The following FRMPD4 variants were observed in gnomAD, a reference collection of about 807,000 sequenced individuals.
FRMPD4 encodes FERM and PDZ domain-containing protein 4.
FRMPD4 carries 22 observed loss-of-function variants against 94.1 expected under a neutral mutation model. The observed-to-expected ratio is 0.23, with a 90% CI of 0.17 to 0.33. The LOEUF is 0.33. Ranked by LOEUF, FRMPD4 falls within the 10% of genes least tolerant of loss-of-function variation. The probability of loss-of-function intolerance (pLI) is 1.00; values close to 1 mark genes in which losing one functional copy is unlikely to be tolerated. For synonymous variants in FRMPD4, 631 were observed against 548.6 expected, an observed-to-expected ratio of 1.15 and a Z score of -2.10; for missense variants, 1,111 against 1,339.9, an observed-to-expected ratio of 0.83 and a Z score of 2.67.
intron 2 of FRMPD4, among the ~76,000 whole-genome samples, chrX:12,509,705 A>C (rs1449608193): frequency 9.0e-6 from 1 of 111,369 alleles, no homozygotes; most frequent in Admixed American, 9.5e-5. Context: ...ATGTAACTAA[A>C]CACCACCTGT....
In FRMPD4 at chrX:12,511,250, C is replaced by T. The variant is rs1454741836; in HGVS notation, c.158+12454C>T. The stretch of plus-strand genomic sequence containing the variant: ...CAAGGCATACTAGGAGAGAGGAAAA[C>T]CAGGCCCAATCAAAGTGCCAAAATA... On this transcript the variant is annotated intron_variant, in intron 2 of 16. Transcript: ENST00000675598. Among the ~76,000 whole-genome samples the T allele has an allele frequency of 8.1e-5, 9 of 111,323 alleles. 1 individual carries two copies. Among genetic ancestry groups the T allele is most frequent in the Admixed American group, 7.6e-4 (8 of 10,458 alleles).
At chrX:12,070,518 A>G (rs2147470634) in intron 3 of FRMPD4, among the ~76,000 whole-genome samples, 1 of 111,652 alleles carries the variant, frequency 9.0e-6, no homozygotes, top group Non-Finnish European at 1.9e-5. Flanking sequence ...ATTTGTTAGA[A>G]TGTTATGCTG....
At chrX:12,313,088 G>C (rs2055060923) in intron 1 of FRMPD4, among the ~76,000 whole-genome samples, 1 of 111,540 alleles carries the variant, frequency 9.0e-6, no homozygotes, top group South Asian at 3.8e-4. Flanking sequence ...GAGAAAAAAG[G>C]GACAAAAAAG....
chrX:11,841,554 C>T (rs771135446), intron 1 of FRMPD4, among the ~76,000 whole-genome samples: 1 of 109,874 alleles, frequency 9.1e-6, no homozygotes, highest in East Asian at 2.9e-4. Flanking sequence ...TCTTTTGAGA[C>T]GTGTCTGTTC....
intron 3 of FRMPD4, among the ~76,000 whole-genome samples, chrX:12,072,252 A>G (rs754121524): frequency 2.7e-5 from 3 of 112,081 alleles, no homozygotes; most frequent in Non-Finnish European, 5.6e-5. Flanking sequence ...CTGCTGTTGA[A>G]AATGAAGCTG....
chrX:12,593,346 C>G (rs2059000361), intron 2 of FRMPD4, among the ~76,000 whole-genome samples: 1 of 111,923 alleles, frequency 8.9e-6, no homozygotes, highest in African/African-American at 3.2e-5. Context: ...CATTTATCCT[C>G]AATGTATCTT....
intron 2 of FRMPD4, among the ~76,000 whole-genome samples, chrX:11,875,684 C>T (rs866707828): frequency 4.0e-4 from 44 of 110,184 alleles, no homozygotes; most frequent in African/African-American, 1.4e-3. Context: ...TCCTTCTTAT[C>T]CCAAAGGAAA....
At chrX:11,886,575 T>A (rs903580024) in intron 3 of FRMPD4, among the ~76,000 whole-genome samples, 3 of 111,250 alleles carry the variant, frequency 2.7e-5, no homozygotes, top group Non-Finnish European at 3.8e-5. Flanking sequence ...TTTAACACAA[T>A]TCTCCCAGGG....
intron 1 of FRMPD4, among the ~76,000 whole-genome samples, chrX:12,402,047 G>T (rs2056614614): frequency 9.0e-6 from 1 of 110,819 alleles, no homozygotes; most frequent in African/African-American, 3.3e-5. Context: ...AAATCCCATG[G>T]TTTCCTGGCC....
chrX:12,350,763 T>C (rs2055790177), intron 1 of FRMPD4, among the ~76,000 whole-genome samples: 1 of 112,493 alleles, frequency 8.9e-6, no homozygotes, highest in Admixed American at 9.4e-5. Context: ...AGAATGAGTG[T>C]TTTTAAATCT....
intron 3 of FRMPD4, among the ~76,000 whole-genome samples, chrX:11,918,858 A>G (rs747291368): frequency 8.9e-6 from 1 of 112,193 alleles, no homozygotes; most frequent in Admixed American, 9.4e-5. Context: ...CATGAGTGGA[A>G]CTAGGCTGAA....
At chrX:12,246,102 G>T (rs1016914434) in intron 1 of FRMPD4, among the ~76,000 whole-genome samples, 1 of 111,305 alleles carries the variant, frequency 9.0e-6, no homozygotes, top group African/African-American at 3.3e-5. Context: ...TTAGGGTTTT[G>T]CAAACAGATG....
chrX:12,626,106 C>G (rs1181836209), intron 4 of FRMPD4, among the ~76,000 whole-genome samples: 1 of 110,861 alleles, frequency 9.0e-6, no homozygotes, highest in African/African-American at 3.3e-5. Flanking sequence ...GTGGGAGGAT[C>G]ACTTGAGGCC....
intron 3 of FRMPD4, among the ~76,000 whole-genome samples, chrX:12,013,634 G>A (rs2054591453): frequency 8.8e-6 from 1 of 112,999 alleles, no homozygotes; most frequent in African/African-American, 3.2e-5. Context: ...CCATTTTACA[G>A]CTCCCTCTGC....
At chrX:12,178,470 C>T (rs2056320882) in intron 1 of FRMPD4, among the ~76,000 whole-genome samples, 1 of 111,631 alleles carries the variant, frequency 9.0e-6, no homozygotes, top group African/African-American at 3.3e-5. Flanking sequence ...ATAAGATATA[C>T]TAGGCTTTGA....
intron 2 of FRMPD4, among the ~76,000 whole-genome samples, chrX:12,563,239 T>TACACACAC (rs369700317): frequency 0.058 from 5,675 of 97,143 alleles, 247 homozygotes; most frequent in African/African-American, 0.14. Context: ...TGTAAGTGTG[T>TACACACAC]ACACACACAC....
chrX:12,223,587 C>T (rs2056892474), intron 1 of FRMPD4, among the ~76,000 whole-genome samples: 1 of 111,971 alleles, frequency 8.9e-6, no homozygotes, highest in Non-Finnish European at 1.9e-5. Context: ...ACATGTACCA[C>T]CTGAACCTAA....
At chrX:12,512,007 C>G (rs375317217) in intron 2 of FRMPD4, among the ~76,000 whole-genome samples, 1 of 111,898 alleles carries the variant, frequency 8.9e-6, no homozygotes, top group East Asian at 2.8e-4. Flanking sequence ...CAGAAATTGC[C>G]ACAGCCACCC....
At chrX:12,542,527 A>G (rs1246534835) in intron 2 of FRMPD4, among the ~76,000 whole-genome samples, 1 of 112,196 alleles carries the variant, frequency 8.9e-6, no homozygotes, top group Admixed American at 9.4e-5. Flanking sequence ...AATTCAACTT[A>G]CAAGGGATGT....
Sources: allele counts gnomAD v4.1 joint callset (sites outside exome capture counted in the v4.1 genomes callset), GRCh38; gene constraint gnomAD v4.1.1; transcripts MANE v1.5; gene names NCBI Gene and HGNC (gene_info 2026-07-23, HGNC 2026-07-21).